The following KCNQ1OT1 variants were observed in gnomAD, a reference collection of about 807,000 sequenced individuals.
KCNQ1OT1 encodes KCNQ1 opposite strand/antisense transcript 1.
chr11:2,613,433 G>A lies in KCNQ1OT1; in HGVS notation n.86562C>T. The A allele has an allele frequency of 2.5e-6, 1 of 398,484 alleles. No homozygotes were observed. Among genetic ancestry groups the A allele is most frequent in the Non-Finnish European group, 4.4e-6 (1 of 226,060 alleles). 24.7% of individuals were successfully genotyped at this position (398,484 alleles called of 1,614,324 possible). ...CCTTGTTGCTTAACATAGTGCATAG[G>A]GTTTTCTATGGAATTCAAAATCAGA... On this transcript the variant is annotated non_coding_transcript_exon_variant, in exon 1 of 1. Transcript: ENST00000597346. This position sits in a 1 kb window ranked among gnomAD's most constrained non-coding sequence, Gnocchi z 4.8.
chr11:2,644,854 G>A, exon 1 of KCNQ1OT1: 1 of 398,718 alleles, frequency 2.5e-6, no homozygotes, highest in East Asian at 3.6e-5. Flanking sequence ...TGTAGTTTAG[G>A]ATGCAGTTGT....
At position 2,687,961 on chromosome 11, in the gene KCNQ1OT1, C is replaced by T. The variant is rs1349359147; in HGVS notation, n.12034G>A. 2 of 398,650 alleles carry T rather than the reference C, an allele frequency of 5.0e-6. No homozygotes were observed. Among genetic ancestry groups the T allele is most frequent in the Non-Finnish European group, 8.8e-6 (2 of 226,178 alleles). The allele number at this position is 398,650 out of a possible 1,614,324, so 24.7% of individuals were successfully genotyped here. A position where few individuals can be genotyped will look rare whatever the true frequency, so the allele number is the denominator to read the frequency against. On this transcript the variant is annotated non_coding_transcript_exon_variant, in exon 1 of 1. Coordinates refer to ENST00000597346, the Ensembl canonical transcript of KCNQ1OT1. The surrounding 1 kb of genome is among the most constrained non-coding windows in gnomAD (Gnocchi z 5.0). ...CCCACCCGCTGTGGGTCAGCCAGGC[C>T]GCTGCTTCCTGCTTCCCTTTGATGT... is the stretch of plus-strand genomic sequence containing the variant.
chr11:2,684,456 A>C (rs935258102), exon 1 of KCNQ1OT1: 2 of 398,540 alleles, frequency 5.0e-6, no homozygotes, highest in Non-Finnish European at 8.8e-6. Context: ...TCTTTTGGCA[A>C]AAAGACTATG....
rs529209048 is a variant in KCNQ1OT1, at chr11:2,665,866, T to C, written n.34129A>G. The C allele has an allele frequency of 3.3e-4, 130 of 398,792 alleles. No homozygotes were observed. The East Asian group carries it at 4.6e-3, about 14-fold the overall frequency. The allele number at this position is 398,792 out of a possible 1,614,324, so 24.7% of individuals were successfully genotyped here. On this transcript the variant is annotated non_coding_transcript_exon_variant, in exon 1 of 1. Transcript: ENST00000597346. Reference sequence around the variant, plus strand: ...CTAGGGGCCTGAGGATCTGCGGCTCTGAACTTGGGGGCTGTGTGCAGGTGT... The same window carrying C: ...CTAGGGGCCTGAGGATCTGCGGCTCCGAACTTGGGGGCTGTGTGCAGGTGT...
At position 2,683,644 on chromosome 11, in the gene KCNQ1OT1, G is replaced by A. The variant is rs1460520406; in HGVS notation, n.16351C>T. ...CAACTGGGCCCTGCATCTGCTGCAA[G>A]GAACATCCCTTACTTTCCCATCTCA... On this transcript the variant is annotated non_coding_transcript_exon_variant, in exon 1 of 1. Transcript: ENST00000597346. This position sits in a 1 kb window ranked among gnomAD's most constrained non-coding sequence, Gnocchi z 4.7. 1.0e-5 allele frequency: 4 copies of A among 398,506 alleles called. No individual in the cohort carries two copies. Among genetic ancestry groups the A allele is most frequent in the Non-Finnish European group, 1.8e-5 (4 of 226,078 alleles). The allele number at this position is 398,506 out of a possible 1,614,324, so 24.7% of individuals were successfully genotyped here. A position where few individuals can be genotyped will look rare whatever the true frequency, so the allele number is the denominator to read the frequency against.
rs981973713 is a variant in KCNQ1OT1 at position 2,651,271 on chromosome 11, T to C, written n.48724A>G. Reference sequence around the variant, plus strand: ...GGAATTAAGCTGTGCTGGTCACTTATTGAGAAAGAGCTTCATGGTGGGCAG... The same window carrying C: ...GGAATTAAGCTGTGCTGGTCACTTACTGAGAAAGAGCTTCATGGTGGGCAG... On this transcript the variant is annotated non_coding_transcript_exon_variant, in exon 1 of 1. Coordinates refer to ENST00000597346, the Ensembl canonical transcript of KCNQ1OT1. This position sits in a 1 kb window ranked among gnomAD's most constrained non-coding sequence, Gnocchi z 6.1. The C allele has an allele frequency of 1.5e-5, 6 of 398,536 alleles. No individual in the cohort carries two copies. The highest frequency in any genetic ancestry group is 2.1e-5 in the African/African-American group (1 of 48,648). The allele number at this position is 398,536 out of a possible 1,614,324, so 24.7% of individuals were successfully genotyped here. A position where few individuals can be genotyped will look rare whatever the true frequency, so the allele number is the denominator to read the frequency against.
exon 1 of KCNQ1OT1, chr11:2,649,765 C>T (rs1229909353): frequency 5.0e-6 from 2 of 398,356 alleles, no homozygotes; most frequent in Non-Finnish European, 8.8e-6. Context: ...GAAAATGTGC[C>T]TCAGAGAGGC....
In KCNQ1OT1 at chr11:2,645,075, G is replaced by C; in HGVS notation, n.54920C>G. On this transcript the variant is annotated non_coding_transcript_exon_variant, in exon 1 of 1. Coordinates refer to ENST00000597346, the Ensembl canonical transcript of KCNQ1OT1. This position sits in a 1 kb window ranked among gnomAD's most constrained non-coding sequence, Gnocchi z 5.8. ...CCAATGATGACAGAGCTGGGCCACA[G>C]GGTGGGTAGGTCCTTGAGCTCTGAG... 1 of 398,764 alleles carries C rather than the reference G, an allele frequency of 2.5e-6. No individual in the cohort carries two copies. Among genetic ancestry groups the C allele is most frequent in the East Asian group, 3.6e-5 (1 of 28,080 alleles). The allele number at this position is 398,764 out of a possible 1,614,324, so 24.7% of individuals were successfully genotyped here. A position where few individuals can be genotyped will look rare whatever the true frequency, so the allele number is the denominator to read the frequency against.
At position 2,645,909 on chromosome 11, in the gene KCNQ1OT1, TCA is replaced by T. The variant is rs915627265; in HGVS notation, n.54084_54085del. ...TCTCTGGGAGCTGTTCATTGCCATT[TCA>T]CAGTCTGTAGGTAGCCTCTTGTTAG... On this transcript the variant is annotated non_coding_transcript_exon_variant, in exon 1 of 1. Coordinates refer to ENST00000597346, the Ensembl canonical transcript of KCNQ1OT1. This position sits in a 1 kb window ranked among gnomAD's most constrained non-coding sequence, Gnocchi z 5.8. 8.5e-5 allele frequency: 34 copies of T among 398,520 alleles called. No individual in the cohort carries two copies. The highest frequency in any genetic ancestry group is 6.2e-4 in the African/African-American group (30 of 48,608). The allele number at this position is 398,520 out of a possible 1,614,324, so 24.7% of individuals were successfully genotyped here. A position where few individuals can be genotyped will look rare whatever the true frequency, so the allele number is the denominator to read the frequency against.
rs4930143 is a variant in KCNQ1OT1, at chr11:2,640,327, C to T, written n.59668G>A. On this transcript the variant is annotated non_coding_transcript_exon_variant, in exon 1 of 1. Coordinates refer to ENST00000597346, the Ensembl canonical transcript of KCNQ1OT1. ...CGCTGGGAGCTATAGACTGGAGCTC[C>T]TCCTATTCGGCCATCTTGGAACCAC... 397,358 of 398,382 alleles carry T rather than the reference C, an allele frequency of 1. 198,171 individuals are homozygous for T. Among genetic ancestry groups the T allele is most frequent in the East Asian group, 1 (28,074 of 28,074 alleles). 24.7% of individuals were successfully genotyped at this position (398,382 alleles called of 1,614,324 possible).
In KCNQ1OT1 at chr11:2,615,765, T is replaced by C. The variant is rs542658049; in HGVS notation, n.84230A>G. On this transcript the variant is annotated non_coding_transcript_exon_variant, in exon 1 of 1. Transcript: ENST00000597346. Reference sequence around the variant, plus strand: ...TCATGATATATAATCCTTTTTAATATGCTGCTGAATTTGGCTTACTAGTAC... The same window carrying C: ...TCATGATATATAATCCTTTTTAATACGCTGCTGAATTTGGCTTACTAGTAC... 18 of 398,164 alleles carry C rather than the reference T, an allele frequency of 4.5e-5. No individual in the cohort carries two copies. In the South Asian group the frequency reaches 2.3e-3, roughly 51 times the overall value. 24.7% of individuals were successfully genotyped at this position (398,164 alleles called of 1,614,324 possible).
chr11:2,659,538 G>T lies in KCNQ1OT1; in HGVS notation n.40457C>A. The T allele has an allele frequency of 2.5e-6, 1 of 398,492 alleles. No homozygotes were observed. 24.7% of individuals were successfully genotyped at this position (398,492 alleles called of 1,614,324 possible). The stretch of plus-strand genomic sequence containing the variant: ...GACATCTTCATTGTTTCCAGTATTT[G>T]GTAATTATGAGCAGAGTTACTATAC... On this transcript the variant is annotated non_coding_transcript_exon_variant, in exon 1 of 1. Coordinates refer to ENST00000597346, the Ensembl canonical transcript of KCNQ1OT1. This position sits in a 1 kb window ranked among gnomAD's most constrained non-coding sequence, Gnocchi z 4.3.
chr11:2,665,359 AC>A, exon 1 of KCNQ1OT1: 1 of 397,650 alleles, frequency 2.5e-6, no homozygotes. Flanking sequence ...GTTGGGGAGC[AC>A]CCCCATGACA....
exon 1 of KCNQ1OT1, chr11:2,616,981 TA>T (rs1849076818): frequency 2.5e-6 from 1 of 397,876 alleles, no homozygotes; most frequent in Admixed American, 4.4e-5. Flanking sequence ...TTTTTAATTT[TA>T]AAAATATGCA....
chr11:2,690,869 G>C lies in KCNQ1OT1; in HGVS notation n.9126C>G. The C allele has an allele frequency of 5.0e-6, 2 of 398,640 alleles. No homozygotes were observed. The highest frequency in any genetic ancestry group is 8.8e-6 in the Non-Finnish European group (2 of 226,068). The allele number at this position is 398,640 out of a possible 1,614,324, so 24.7% of individuals were successfully genotyped here. On this transcript the variant is annotated non_coding_transcript_exon_variant, in exon 1 of 1. Transcript: ENST00000597346. This position sits in a 1 kb window ranked among gnomAD's most constrained non-coding sequence, Gnocchi z 5.1. ...AGGAACAGGTACCTTTAGGGACACA[G>C]GAGTGTAAGCCACTGTTTCCGTCTG... is the stretch of plus-strand genomic sequence containing the variant.
At chr11:2,635,922 G>C (rs576270306) in exon 1 of KCNQ1OT1, 33 of 152,150 alleles carry the variant, frequency 2.2e-4, no homozygotes, top group African/African-American at 7.9e-4. Context: ...TGGATTCCTA[G>C]GTATTTTATT....
At position 2,659,072 on chromosome 11, in the gene KCNQ1OT1, T is replaced by C. The variant is rs1308241189; in HGVS notation, n.40923A>G. On this transcript the variant is annotated non_coding_transcript_exon_variant, in exon 1 of 1. Transcript: ENST00000597346. This position sits in a 1 kb window ranked among gnomAD's most constrained non-coding sequence, Gnocchi z 4.3. ...TTTGTTTGTAACACGCTCATCATAG[T>C]CTGCTTTTCATCGTAGGGTCCTCCA... The C allele has an allele frequency of 2.5e-6, 1 of 398,502 alleles. No homozygotes were observed. Among genetic ancestry groups the C allele is most frequent in the Non-Finnish European group, 4.4e-6 (1 of 226,040 alleles). 24.7% of individuals were successfully genotyped at this position (398,502 alleles called of 1,614,324 possible).
chr11:2,698,049 T>C lies in KCNQ1OT1; in HGVS notation n.1946A>G, dbSNP rs1332697146. The C allele has an allele frequency of 2.5e-6, 1 of 398,648 alleles. No homozygotes were observed. Among genetic ancestry groups the C allele is most frequent in the South Asian group, 1.3e-4 (1 of 7,856 alleles). 24.7% of individuals were successfully genotyped at this position (398,648 alleles called of 1,614,324 possible). A position where few individuals can be genotyped will look rare whatever the true frequency, so the allele number is the denominator to read the frequency against. ...GATCATTTGAGACACCATAGAAATC[T>C]GGTTAATCCTGCCTGCCTGCTTTCC... On this transcript the variant is annotated non_coding_transcript_exon_variant, in exon 1 of 1. Coordinates refer to ENST00000597346, the Ensembl canonical transcript of KCNQ1OT1. The surrounding 1 kb of genome is among the most constrained non-coding windows in gnomAD (Gnocchi z 5.1).
rs997085700 is a variant in KCNQ1OT1, at chr11:2,652,668, C to T, written n.47327G>A. On this transcript the variant is annotated non_coding_transcript_exon_variant, in exon 1 of 1. Transcript: ENST00000597346. This position sits in a 1 kb window ranked among gnomAD's most constrained non-coding sequence, Gnocchi z 5.9. ...CTGCAGCATGGAGACCCGGGTGGGT[C>T]GATTTTAGTTGTGTGGGTGGCTGTG... is the stretch of plus-strand genomic sequence containing the variant. 81 of 398,542 alleles carry T rather than the reference C, an allele frequency of 2.0e-4. No individual in the cohort carries two copies. Among genetic ancestry groups the T allele is most frequent in the Non-Finnish European group, 3.3e-4 (74 of 226,186 alleles). 24.7% of individuals were successfully genotyped at this position (398,542 alleles called of 1,614,324 possible).
Sources: allele counts gnomAD v4.1 joint callset, GRCh38; gene constraint gnomAD v4.1.1; non-coding constraint Gnocchi (gnomAD v3.1); transcripts MANE v1.5; gene names NCBI Gene and HGNC (gene_info 2026-07-23, HGNC 2026-07-21).